Variants in NKAIN3 observed in about 807,000 individuals in gnomAD.
The protein encoded by NKAIN3 is sodium/potassium transporting ATPase interacting 3.
Under a neutral mutation model 30.2 loss-of-function variants are expected in NKAIN3, and 25 were observed. That is an observed-to-expected ratio of 0.83 (90% CI 0.60 to 1.16). The LOEUF is 1.16. Among genes scored for constraint, NKAIN3 ranks in the 50% most tolerant of loss-of-function variants. NKAIN3 has a pLI of 0.00. For synonymous variants in NKAIN3, 91 were observed against 89.6 expected, an observed-to-expected ratio of 1.02 and a Z score of -0.09; for missense variants, 225 against 254.1, an observed-to-expected ratio of 0.89 and a Z score of 0.78.
At chr8:62,804,525 T>A (rs1337409708) in intron 4 of NKAIN3, among the ~76,000 whole-genome samples, 2 of 152,172 alleles carry the variant, frequency 1.3e-5, no homozygotes, top group Non-Finnish European at 2.9e-5. Flanking sequence ...TAATCCAGCA[T>A]ATAAACAGAA....
chr8:62,653,425 A>G (rs188768877), intron 3 of NKAIN3, among the ~76,000 whole-genome samples: 2 of 152,284 alleles, frequency 1.3e-5, no homozygotes, highest in East Asian at 3.9e-4. Context: ...TCATCACATT[A>G]TGATGGGCTT....
Position 62,718,102 on chromosome 8 carries a change from T to A in NKAIN3, c.274-28830T>A, listed in dbSNP as rs188827480. Among the ~76,000 whole-genome samples the A allele has an allele frequency of 7.9e-5, 12 of 152,308 alleles. No individual in the cohort carries two copies. In the East Asian group the frequency reaches 2.3e-3, roughly 29 times the overall value. On this transcript the variant is annotated intron_variant, in intron 3 of 6. Coordinates refer to ENST00000623646, the MANE Select transcript of NKAIN3 (RefSeq NM_001304533.3). The stretch of plus-strand genomic sequence containing the variant: ...CCCCTAATAAACCTGTCAGATCTCA[T>A]GAGACTTATTCACCATCACGAGAAT...
chr8:62,732,050 T>C (rs1815485202), intron 3 of NKAIN3, among the ~76,000 whole-genome samples: 1 of 152,168 alleles, frequency 6.6e-6, no homozygotes, highest in Non-Finnish European at 1.5e-5. Context: ...TATGTGTGTA[T>C]AGTACCAGAC....
intron 1 of NKAIN3, among the ~76,000 whole-genome samples, chr8:62,503,535 G>A (rs576675452): frequency 6.6e-6 from 1 of 152,184 alleles, no homozygotes; most frequent in African/African-American, 2.4e-5. Context: ...CCCAATCCTG[G>A]TAAGCCTGAG....
At chr8:62,903,550 A>G (rs1359631522) in intron 4 of NKAIN3, among the ~76,000 whole-genome samples, 3 of 152,112 alleles carry the variant, frequency 2.0e-5, no homozygotes, top group East Asian at 3.9e-4. Context: ...GGAGCCATAG[A>G]AAAAGAAATG....
intron 4 of NKAIN3, among the ~76,000 whole-genome samples, chr8:62,821,080 T>C (rs1818834791): frequency 6.6e-6 from 1 of 152,142 alleles, no homozygotes; most frequent in South Asian, 2.1e-4. Context: ...GGGTTTTAGC[T>C]CTTGGTTTTT....
chr8:62,803,787 C>A lies in NKAIN3; in HGVS notation c.471+56658C>A, dbSNP rs891005844. The stretch of plus-strand genomic sequence containing the variant: ...ATCAGAGCAGAACTGAAGGAAATAG[C>A]AACACAAAAACCCTTTAAAAAATTA... On this transcript the variant is annotated intron_variant, in intron 4 of 6. Transcript: ENST00000623646. Among the ~76,000 whole-genome samples the A allele has an allele frequency of 2.5e-4, 38 of 152,012 alleles. 1 individual carries two copies. In the South Asian group the frequency reaches 7.5e-3, roughly 30 times the overall value.
chr8:62,346,750 A>T (rs1484703666), intron 1 of NKAIN3, among the ~76,000 whole-genome samples: 1 of 152,104 alleles, frequency 6.6e-6, no homozygotes, highest in African/African-American at 2.4e-5. Context: ...TTCACCACAG[A>T]ACCATCAGGG....
intron 1 of NKAIN3, among the ~76,000 whole-genome samples, chr8:62,548,543 G>T (rs975407531): frequency 6.6e-6 from 1 of 152,038 alleles, no homozygotes; most frequent in Non-Finnish European, 1.5e-5. Flanking sequence ...AGAGTCCTGG[G>T]CACCTTTAAG....
At chr8:62,799,762 A>T (rs1186703990) in intron 4 of NKAIN3, among the ~76,000 whole-genome samples, 1 of 152,216 alleles carries the variant, frequency 6.6e-6, no homozygotes, top group Non-Finnish European at 1.5e-5. Flanking sequence ...TTATAGCAAC[A>T]CATTTGTAAT....
intron 1 of NKAIN3, among the ~76,000 whole-genome samples, chr8:62,277,832 G>T (rs1041123857): frequency 1.3e-5 from 2 of 152,172 alleles, no homozygotes; most frequent in African/African-American, 4.8e-5. Flanking sequence ...GAGGGTAATA[G>T]CTATATCACT....
chr8:62,855,968 C>T (rs1338535029), intron 4 of NKAIN3: 1 of 701,130 alleles, frequency 1.4e-6, no homozygotes, highest in African/African-American at 1.8e-5. Context: ...GAGCACTAAA[C>T]AGGGTTGAGC....
At chr8:62,280,607 G>A (rs945042862) in intron 1 of NKAIN3, among the ~76,000 whole-genome samples, 1 of 152,096 alleles carries the variant, frequency 6.6e-6, no homozygotes, top group South Asian at 2.1e-4. Flanking sequence ...TTTGTCAAAG[G>A]CCTTTTCTGC....
chr8:62,371,133 C>T (rs192128214), intron 1 of NKAIN3, among the ~76,000 whole-genome samples: 15 of 151,878 alleles, frequency 9.9e-5, no homozygotes, highest in African/African-American at 3.6e-4. Context: ...AAATTATGCT[C>T]CTGTTTTCTG....
intron 3 of NKAIN3, among the ~76,000 whole-genome samples, chr8:62,655,540 T>TA (rs1221925186): frequency 6.6e-6 from 1 of 150,482 alleles, no homozygotes; most frequent in Non-Finnish European, 1.5e-5. Context: ...TATATCCATA[T>TA]AAAAAACAGG....
chr8:62,587,588 A>G (rs899297787), intron 2 of NKAIN3, among the ~76,000 whole-genome samples: 9 of 151,968 alleles, frequency 5.9e-5, no homozygotes, highest in African/African-American at 2.2e-4. Flanking sequence ...CCTACCCTGT[A>G]TGTTTAAGCA....
chr8:62,611,901 C>T (rs1811305071), intron 3 of NKAIN3, among the ~76,000 whole-genome samples: 1 of 151,976 alleles, frequency 6.6e-6, no homozygotes, highest in Non-Finnish European at 1.5e-5. Flanking sequence ...TTTACATTCC[C>T]ACCAACAGCA....
chr8:62,459,189 T>C (rs1300720514), intron 1 of NKAIN3, among the ~76,000 whole-genome samples: 1 of 152,146 alleles, frequency 6.6e-6, no homozygotes, highest in East Asian at 1.9e-4. Flanking sequence ...GATCAGGGCC[T>C]CTGCTAATAT....
chr8:62,684,080 A>C (rs1373689915), intron 3 of NKAIN3, among the ~76,000 whole-genome samples: 1 of 152,158 alleles, frequency 6.6e-6, no homozygotes, highest in Non-Finnish European at 1.5e-5. Flanking sequence ...CAATCTCATC[A>C]GACATCCACT....
Sources: allele counts gnomAD v4.1 joint callset (sites outside exome capture counted in the v4.1 genomes callset), GRCh38; gene constraint gnomAD v4.1.1; transcripts MANE v1.5; gene names NCBI Gene and HGNC (gene_info 2026-07-23, HGNC 2026-07-21).